Variants in SOX5 observed in about 807,000 individuals in gnomAD.
The protein encoded by SOX5 is transcription factor SOX-5.
Under a neutral mutation model 92.0 loss-of-function variants are expected in SOX5, and 9 were observed. The ratio of observed to expected loss-of-function variants is 0.10; its 90% CI spans 0.06 to 0.17. The LOEUF (loss-of-function observed/expected upper bound fraction) is 0.17. Among genes scored for constraint, SOX5 ranks in the 10% least tolerant of loss-of-function variants. The pLI is 1.00. For synonymous variants in SOX5, 344 were observed against 336.3 expected (o/e 1.02, Z -0.25); for missense variants, 642 against 944.5 (o/e 0.68, Z 4.20).
chr12:24,273,295 C>A lies in SOX5; in HGVS notation c.-77+3921G>T, dbSNP rs375511419. ...TAGACTTATTTCTTCCTTGAATTTG[C>A]CTGCAAAGTCATCTTGGTCAAGATT... On this transcript the variant is annotated intron_variant, in intron 3 of 4. Transcript: ENST00000446891. Among the ~76,000 whole-genome samples the A allele has an allele frequency of 3.9e-5, 6 of 152,262 alleles. No individual in the cohort carries two copies. The South Asian group carries it at 1.2e-3, about 32-fold the overall frequency.
chr12:23,714,807 C>T (rs769908585), intron 6 of SOX5, among the ~76,000 whole-genome samples: 14 of 152,204 alleles, frequency 9.2e-5, no homozygotes, highest in Non-Finnish European at 1.6e-4. Context: ...TAAATCAATG[C>T]AAGATTCTTA....
At chr12:24,391,610 T>C (rs1404165905) in intron 1 of SOX5, among the ~76,000 whole-genome samples, 1 of 152,154 alleles carries the variant, frequency 6.6e-6, no homozygotes. Context: ...GTCAACTAAA[T>C]CAAATGTTAT....
intron 2 of SOX5, among the ~76,000 whole-genome samples, chr12:24,353,727 G>A (rs560823937): frequency 6.6e-5 from 10 of 151,978 alleles, no homozygotes; most frequent in East Asian, 1.9e-4. Flanking sequence ...TGCAACCCCC[G>A]CCTCCCGGCT....
At chr12:23,957,282 C>A (rs1211447445) in intron 4 of SOX5, among the ~76,000 whole-genome samples, 1 of 152,020 alleles carries the variant, frequency 6.6e-6, no homozygotes, top group Non-Finnish European at 1.5e-5. Flanking sequence ...CTTAATTGGT[C>A]CCCCAAAAAA....
At chr12:24,086,354 G>T (rs982992488) in intron 4 of SOX5, among the ~76,000 whole-genome samples, 8 of 151,876 alleles carry the variant, frequency 5.3e-5, no homozygotes, top group African/African-American at 9.7e-5. Flanking sequence ...AGGACACAAT[G>T]CTAAATTCCT....
chr12:23,609,111 T>G (rs1303175790), intron 8 of SOX5, among the ~76,000 whole-genome samples: 4 of 152,044 alleles, frequency 2.6e-5, no homozygotes, highest in Non-Finnish European at 5.9e-5. Flanking sequence ...GCAGTACAAT[T>G]AAAAGAAAGG....
chr12:24,065,911 G>A (rs1325972648), intron 4 of SOX5, among the ~76,000 whole-genome samples: 1 of 152,076 alleles, frequency 6.6e-6, no homozygotes, highest in African/African-American at 2.4e-5. Flanking sequence ...TCTGAGTAGG[G>A]TGAGGACACA....
rs370612644 is a variant in SOX5, at chr12:23,862,596, T to C, written c.271-16403A>G. On this transcript the variant is annotated intron_variant, in intron 2 of 14. Transcript: ENST00000451604. ...GACTGTTCTGTCTCTGACATCAGCA[T>C]TGAAAGTAGTAGGTGCCATATATGA... Among the ~76,000 whole-genome samples the C allele has an allele frequency of 3.7e-4, 56 of 152,344 alleles. No homozygotes were observed. The East Asian group carries it at 4.0e-3, about 11-fold the overall frequency.
At chr12:24,556,449 C>T (rs1369721063) in intron 1 of SOX5, among the ~76,000 whole-genome samples, 1 of 152,170 alleles carries the variant, frequency 6.6e-6, no homozygotes, top group East Asian at 1.9e-4. Flanking sequence ...AACCAACCTA[C>T]AAGTTTCTCT....
chr12:23,713,108 A>G (rs2092199463), intron 6 of SOX5, among the ~76,000 whole-genome samples: 1 of 152,202 alleles, frequency 6.6e-6, no homozygotes, highest in Non-Finnish European at 1.5e-5. Context: ...TTATAAGAGA[A>G]TGGAGAAGCA....
intron 1 of SOX5, among the ~76,000 whole-genome samples, chr12:24,402,018 T>C (rs1225034455): frequency 6.6e-6 from 1 of 152,196 alleles, no homozygotes; most frequent in East Asian, 1.9e-4. Context: ...AAAGACTACA[T>C]TAACTACCCC....
At chr12:23,740,499 C>A (rs983424809) in intron 5 of SOX5, among the ~76,000 whole-genome samples, 1 of 152,200 alleles carries the variant, frequency 6.6e-6, no homozygotes, top group African/African-American at 2.4e-5. Flanking sequence ...TTGAAGCCCA[C>A]AATTTCTTCA....
At chr12:23,851,733 G>A (rs968552256) in intron 2 of SOX5, among the ~76,000 whole-genome samples, 2 of 151,886 alleles carry the variant, frequency 1.3e-5, no homozygotes, top group African/African-American at 4.8e-5. Context: ...GAGAGAGAGA[G>A]CTTATCACAA....
chr12:23,992,857 T>G (rs1950690043), intron 4 of SOX5, among the ~76,000 whole-genome samples: 1 of 152,178 alleles, frequency 6.6e-6, no homozygotes, highest in Non-Finnish European at 1.5e-5. Context: ...GTCATAGCCA[T>G]AAAGCATGCA....
intron 1 of SOX5, among the ~76,000 whole-genome samples, chr12:23,929,224 A>T (rs1940820420): frequency 6.6e-6 from 1 of 151,996 alleles, no homozygotes; most frequent in Admixed American, 6.6e-5. Flanking sequence ...TCTGTAAAAA[A>T]CCAACAAACT....
At chr12:23,950,831 T>G, upstream of SOX5, 1 of 1,530,396 alleles carries the variant, frequency 6.5e-7, no homozygotes, top group Non-Finnish European at 8.8e-7. Flanking sequence ...TGACACGAAA[T>G]GACAGAGGCA....
At chr12:23,970,856 T>TTA (rs1335611598) in intron 4 of SOX5, among the ~76,000 whole-genome samples, 1 of 26,600 alleles carries the variant, frequency 3.8e-5, no homozygotes, top group Non-Finnish European at 9.0e-5. Context: ...TTTTTTTTTT[T>TTA]AAGAAATGGG....
chr12:24,058,245 G>A (rs756271656), intron 4 of SOX5, among the ~76,000 whole-genome samples: 5 of 152,142 alleles, frequency 3.3e-5, no homozygotes, highest in Admixed American at 2.6e-4. Context: ...GTAACACATC[G>A]TCCTCACTGA....
intron 4 of SOX5, among the ~76,000 whole-genome samples, chr12:23,745,308 A>G (rs985378700): frequency 6.6e-6 from 1 of 152,132 alleles, no homozygotes; most frequent in African/African-American, 2.4e-5. Context: ...TTTAAAATAG[A>G]ACTTTTAAAA....
Sources: gnomAD v4.1 joint callset for allele counts (sites outside exome capture counted in the v4.1 genomes callset) on GRCh38, gnomAD v4.1.1 for gene constraint, MANE v1.5 for transcripts, NCBI Gene and HGNC (gene_info 2026-07-23, HGNC 2026-07-21) for gene names.